Variants in DMGDH observed in about 807,000 individuals in gnomAD.
DMGDH encodes the protein dimethylglycine dehydrogenase.
DMGDH carries 76 observed loss-of-function variants against 95.2 expected under a neutral mutation model. The observed-to-expected ratio is 0.80, with a 90% CI of 0.66 to 0.97. The LOEUF (loss-of-function observed/expected upper bound fraction) is 0.97. Among genes scored for constraint, DMGDH ranks in the 50% least tolerant of loss-of-function variants. The pLI, the probability that DMGDH is intolerant of heterozygous loss-of-function variation, is 0.00. For missense variants in DMGDH, 987 were observed against 1,055.0 expected (o/e 0.94, Z 0.89); for synonymous variants, 345 against 377.6 (o/e 0.91, Z 1.00).
At chr5:79,009,094 A>C (rs1384068191) in intron 14 of DMGDH, among the ~76,000 whole-genome samples, 1 of 152,158 alleles carries the variant, frequency 6.6e-6, no homozygotes, top group African/African-American at 2.4e-5. Context: ...GTTTCTTTTA[A>C]ATTTCTTTTA....
At chr5:79,068,769 A>C (rs1191989311) in intron 1 of DMGDH, among the ~76,000 whole-genome samples, 3 of 152,258 alleles carry the variant, frequency 2.0e-5, no homozygotes, top group Non-Finnish European at 4.4e-5. Context: ...ATTTAAATAC[A>C]GACCAATCAA....
intron 10 of DMGDH, among the ~76,000 whole-genome samples, chr5:79,030,338 A>G (rs1754125817): frequency 1.3e-5 from 2 of 152,206 alleles, no homozygotes; most frequent in Non-Finnish European, 1.5e-5. Flanking sequence ...GAATTCACTC[A>G]ACAAAAATTT....
rs1468281539 is a variant in DMGDH at position 79,032,691 on chromosome 5, A to G, written c.1513T>C (p.Tyr505His). ...WFYKPGQDTQ[Y>H]RPSFRRTNWF... ...CAGGTAAAGTCCTTCTCCCACCTGT[A>G]CTGAGTGTCCTGGCCTGGTTTGTAG... The change falls in exon 9 of 16, where the codon TAC becomes CAC. Residue 505 changes from tyrosine to histidine, a missense_variant. Tyr to His is a moderately conservative substitution (Grantham distance 83). Coordinates refer to ENST00000255189, the MANE Select transcript of DMGDH (RefSeq NM_013391.3). 5 of 1,614,106 alleles carry G rather than the reference A, an allele frequency of 3.1e-6. No homozygotes were observed. In the South Asian group the frequency reaches 4.4e-5, roughly 14 times the overall value.
At chr5:78,998,625 G>T (rs867156795) in intron 15 of DMGDH, among the ~76,000 whole-genome samples, 11 of 152,150 alleles carry the variant, frequency 7.2e-5, no homozygotes, top group African/African-American at 2.4e-4. Context: ...TGAGGCAGGC[G>T]GATCATTTGA....
chr5:79,056,105 G>A (rs534820880), intron 2 of DMGDH, among the ~76,000 whole-genome samples, 197 bp from the exon 3 acceptor site: 1 of 152,192 alleles, frequency 6.6e-6, no homozygotes, highest in South Asian at 2.1e-4. Flanking sequence ...GAAGCAATGT[G>A]AACTATGTGA....
intron 14 of DMGDH, among the ~76,000 whole-genome samples, chr5:79,016,114 T>C (rs1319333113): frequency 1.3e-5 from 2 of 152,074 alleles, no homozygotes; most frequent in African/African-American, 4.8e-5. Flanking sequence ...GGTGCATGTC[T>C]GTAGTCCCAG....
intron 5 of DMGDH, among the ~76,000 whole-genome samples, chr5:79,050,248 C>CAAAAAAAAAAAAAAAAAAAAAAA: frequency 1.3e-5 from 1 of 78,650 alleles, no homozygotes. Flanking sequence ...AACTTTGTCT[C>CAAAAAAAAAAAAAAAAAAAAAAA]AAAAAAAAAA....
At chr5:79,019,546 T>C (rs1251863970) in intron 14 of DMGDH, among the ~76,000 whole-genome samples, 1 of 152,088 alleles carries the variant, frequency 6.6e-6, no homozygotes. Flanking sequence ...GGTAGGTCCA[T>C]GTACTTAAAT....
intron 14 of DMGDH, among the ~76,000 whole-genome samples, chr5:79,018,159 T>C (rs1753775850): frequency 6.6e-6 from 1 of 152,170 alleles, no homozygotes; most frequent in African/African-American, 2.4e-5. Flanking sequence ...GCAGTCCTCC[T>C]TCCTCAGCCT....
At chr5:79,043,954 T>A (rs1353385077) in intron 6 of DMGDH, among the ~76,000 whole-genome samples, 1 of 152,162 alleles carries the variant, frequency 6.6e-6, no homozygotes, top group African/African-American at 2.4e-5. Context: ...CACAATAGCA[T>A]CTATATTCAA....
intron 3 of DMGDH, 78 bp downstream of exon 3, chr5:79,055,732 T>C (rs2112664856): frequency 2.2e-6 from 2 of 910,200 alleles, no homozygotes; most frequent in East Asian, 2.5e-5. Context: ...TACACAATGA[T>C]GCATCAAAAT....
At chr5:79,048,148 C>T (rs1035436046) in intron 5 of DMGDH, among the ~76,000 whole-genome samples, 1 of 147,474 alleles carries the variant, frequency 6.8e-6, no homozygotes, top group Non-Finnish European at 1.5e-5. Flanking sequence ...AATTATTATA[C>T]CTTTTTTTTT....
chr5:79,006,176 T>C, intron 14 of DMGDH, among the ~76,000 whole-genome samples: 1 of 150,512 alleles, frequency 6.6e-6, no homozygotes, highest in East Asian at 1.9e-4. Context: ...GACAGCGACA[T>C]TGTTATAGGG....
At position 79,033,861 on chromosome 5, in the gene DMGDH, G is replaced by A. The variant is rs564579240; in HGVS notation, c.1194-453C>T. On this transcript the variant is annotated intron_variant, in intron 7 of 15. Coordinates refer to ENST00000255189, the MANE Select transcript of DMGDH (RefSeq NM_013391.3). ...GCAGGAGGATAACTTGAGCCTAGGC[G>A]GTAGAGGCTGCAGTGAGCCATATTC... Among the ~76,000 whole-genome samples the A allele has an allele frequency of 8.5e-5, 13 of 152,268 alleles. No homozygotes were observed. In the East Asian group the frequency reaches 1.2e-3, roughly 14 times the overall value.
chr5:79,051,236 T>C, intron 5 of DMGDH, 51 bp downstream of exon 5: 1 of 1,563,440 alleles, frequency 6.4e-7, no homozygotes, highest in South Asian at 1.1e-5. Flanking sequence ...CTAAATATCT[T>C]CTTTCTTTGG....
At chr5:79,021,710 C>G (rs766381969) in intron 14 of DMGDH, 1 of 1,292,960 alleles carries the variant, frequency 7.7e-7, no homozygotes, top group Non-Finnish European at 1.0e-6. Flanking sequence ...TTAGTTACAG[C>G]AAAAACATGT....
At chr5:79,054,086 G>A in intron 4 of DMGDH, 98 bp downstream of exon 4, 1 of 1,363,812 alleles carries the variant, frequency 7.3e-7, no homozygotes, top group Non-Finnish European at 1.0e-6. Flanking sequence ...CATTTAAAAT[G>A]TGTGTACCAA....
chr5:79,025,196 GAGA>G (rs1351281441), intron 13 of DMGDH, among the ~76,000 whole-genome samples: 1 of 152,218 alleles, frequency 6.6e-6, no homozygotes, highest in Non-Finnish European at 1.5e-5. Context: ...GGAGGGACGG[GAGA>G]AGGAGAAAAG....
chr5:79,029,605 G>A (rs1754096842), intron 11 of DMGDH, among the ~76,000 whole-genome samples: 1 of 152,266 alleles, frequency 6.6e-6, no homozygotes, highest in South Asian at 2.1e-4. Flanking sequence ...TATATACCTT[G>A]CAAAATATTA....
Sources: allele counts gnomAD v4.1 joint callset (sites outside exome capture counted in the v4.1 genomes callset), GRCh38; gene constraint gnomAD v4.1.1; transcripts MANE v1.5; gene names NCBI Gene and HGNC (gene_info 2026-07-23, HGNC 2026-07-21).